VWA8: variants seen among roughly 807,000 people sequenced by gnomAD.
VWA8 encodes the protein von Willebrand factor A domain-containing protein 8.
Under a neutral mutation model 241.5 loss-of-function variants are expected in VWA8, and 221 were observed. The observed-to-expected ratio is 0.91, with a 90% CI of 0.82 to 1.02. The LOEUF (loss-of-function observed/expected upper bound fraction) is 1.02, where lower values mean the gene tolerates loss of function less well. Ranked by LOEUF, VWA8 falls within the 50% of genes least tolerant of loss-of-function variation. The pLI is 0.00. For synonymous variants in VWA8, 852 were observed against 827.1 expected (o/e 1.03, Z -0.52); for missense variants, 2,322 against 2,328.7 (o/e 1.00, Z 0.06).
chr13:41,885,866 T>C (rs1261514683), intron 8 of VWA8, 54 bp downstream of exon 8: 2 of 1,318,116 alleles, frequency 1.5e-6, no homozygotes, highest in Non-Finnish European at 2.1e-6. Context: ...AATGATTAAC[T>C]TTCAAAATTT....
chr13:41,739,839 GTTTTTTTTGTTTTTTTTGT>G (rs2045554192), intron 21 of VWA8, among the ~76,000 whole-genome samples: 2 of 43,586 alleles, frequency 4.6e-5, no homozygotes, highest in East Asian at 7.4e-4. Context: ...TTTTTTTTTT[GTTTTTTTTGTTTTTTTTGT>G]TTTTTTTTTT....
At chr13:41,597,002 A>G (rs905834846) in intron 40 of VWA8, among the ~76,000 whole-genome samples, 3 of 152,042 alleles carry the variant, frequency 2.0e-5, no homozygotes, top group African/African-American at 7.2e-5. Flanking sequence ...CAAACTCTAT[A>G]ATCAAGCCAA....
intron 21 of VWA8, among the ~76,000 whole-genome samples, chr13:41,739,586 C>T (rs900377529): frequency 6.6e-6 from 1 of 152,018 alleles, no homozygotes; most frequent in Non-Finnish European, 1.5e-5. Context: ...AGACTTTAAC[C>T]ACCCAGGTCA....
At chr13:41,950,273 CTTTA>C (rs1383075826) in intron 1 of VWA8, among the ~76,000 whole-genome samples, 1 of 152,124 alleles carries the variant, frequency 6.6e-6, no homozygotes, top group Non-Finnish European at 1.5e-5. Flanking sequence ...CATCAACAAG[CTTTA>C]TTTCATGAAT....
chr13:41,876,340 T>C (rs2138064790), intron 9 of VWA8, among the ~76,000 whole-genome samples: 1 of 152,132 alleles, frequency 6.6e-6, no homozygotes, highest in African/African-American at 2.4e-5. Flanking sequence ...CCCTACATGA[T>C]CTTTCTTTAC....
At chr13:41,719,067 G>C (rs1303316124) in intron 26 of VWA8, among the ~76,000 whole-genome samples, 3 of 151,802 alleles carry the variant, frequency 2.0e-5, no homozygotes, top group Admixed American at 2.0e-4. Flanking sequence ...ATAAAATAAA[G>C]GGTAGGCAAC....
At chr13:41,952,742 T>C (rs1243261942) in intron 1 of VWA8, among the ~76,000 whole-genome samples, 5 of 152,140 alleles carry the variant, frequency 3.3e-5, no homozygotes, top group Admixed American at 1.3e-4. Flanking sequence ...CAATTGGCTG[T>C]CCATTTTTTT....
chr13:41,827,043 C>G (rs1223986244), intron 14 of VWA8, among the ~76,000 whole-genome samples: 1 of 152,096 alleles, frequency 6.6e-6, no homozygotes, highest in Non-Finnish European at 1.5e-5. Flanking sequence ...TGCTCCCATA[C>G]AGTATTATAC....
intron 8 of VWA8, among the ~76,000 whole-genome samples, chr13:41,884,058 T>G (rs1874392683): frequency 6.6e-6 from 1 of 152,242 alleles, no homozygotes; most frequent in Non-Finnish European, 1.5e-5. Flanking sequence ...ATGAACTATC[T>G]ATTAGATGAT....
chr13:41,913,298 C>T (rs1876097816), intron 2 of VWA8, among the ~76,000 whole-genome samples: 1 of 152,024 alleles, frequency 6.6e-6, no homozygotes, highest in Non-Finnish European at 1.5e-5. Context: ...TAAGGAGTGG[C>T]CATGGAATCA....
intron 43 of VWA8, among the ~76,000 whole-genome samples, chr13:41,573,483 A>AT (rs1305282759): frequency 0.021 from 2,717 of 128,524 alleles, 116 homozygotes; most frequent in African/African-American, 0.073. Flanking sequence ...TTAAAAAAAA[A>AT]AAAATATATA....
intron 37 of VWA8, among the ~76,000 whole-genome samples, chr13:41,626,597 A>T (rs1372854841): frequency 6.6e-6 from 1 of 152,096 alleles, no homozygotes. Flanking sequence ...CAGGTTAACG[A>T]ACCCCAAAGT....
At chr13:41,870,852 A>C (rs908390506) in intron 9 of VWA8, among the ~76,000 whole-genome samples, 3 of 152,160 alleles carry the variant, frequency 2.0e-5, no homozygotes, top group Admixed American at 6.5e-5. Flanking sequence ...ATTAAAGCTA[A>C]AATATTTTAG....
chr13:41,648,147 G>T (rs766290044), intron 37 of VWA8, among the ~76,000 whole-genome samples: 2 of 152,160 alleles, frequency 1.3e-5, no homozygotes, highest in Middle Eastern at 3.2e-3. Context: ...CCTTTGGACG[G>T]TGTCGGTAGT....
chr13:41,657,482 C>CT lies in VWA8; in HGVS notation c.4611+13463dup, dbSNP rs35182691. 8.9e-3 allele frequency among the ~76,000 whole-genome samples: 1,216 copies of CT among 136,088 alleles called. 13 individuals are homozygous for CT. Among genetic ancestry groups the CT allele is most frequent in the African/African-American group, 0.019 (716 of 37,134 alleles). 89.3% of individuals were successfully genotyped at this position (136,088 alleles called of 152,430 possible). ...TTTAAAGGTACAGAGAAAAGTTATT[C>CT]TTTTTTTTTTTTTTTTTTGAAACGG... On this transcript the variant is annotated intron_variant, in intron 37 of 44. Coordinates refer to ENST00000379310, the MANE Select transcript of VWA8 (RefSeq NM_015058.2).
Position 41,570,449 on chromosome 13 carries a change from A to T in VWA8, c.5609+19T>A. On this transcript the variant is annotated intron_variant, in intron 44 of 44. Coordinates refer to ENST00000379310, the MANE Select transcript of VWA8 (RefSeq NM_015058.2). ...TATCTCTGTACCTGCCCTTTTCTGTATGCTCAGATGACACTTACCTGGTTG... is the reference window on the plus strand; with the variant it reads ...TATCTCTGTACCTGCCCTTTTCTGTTTGCTCAGATGACACTTACCTGGTTG... The T allele has an allele frequency of 6.2e-7, 1 of 1,604,966 alleles. No homozygotes were observed.
rs375348992 is a variant in VWA8 at position 41,617,881 on chromosome 13, G to A, written c.4612-2797C>T. ...ATATGTGCCACATTTTCTTTATCCC[G>A]TCTATTATGGGTTGGTTCCAAGTCT... On this transcript the variant is annotated intron_variant, in intron 37 of 44. Transcript: ENST00000379310. Among the ~76,000 whole-genome samples, 221 of 144,576 alleles carry A rather than the reference G, an allele frequency of 1.5e-3. 5 individuals carry two copies. Among genetic ancestry groups the A allele is most frequent in the African/African-American group, 5.0e-3 (173 of 34,848 alleles). 94.8% of individuals were successfully genotyped at this position (144,576 alleles called of 152,430 possible). A position where few individuals can be genotyped will look rare whatever the true frequency, so the allele number is the denominator to read the frequency against.
At chr13:41,835,706 A>G (rs998649790) in intron 12 of VWA8, among the ~76,000 whole-genome samples, 2 of 152,158 alleles carry the variant, frequency 1.3e-5, no homozygotes, top group African/African-American at 4.8e-5. Flanking sequence ...ATCAAATATT[A>G]CATATGCATA....
intron 2 of VWA8, among the ~76,000 whole-genome samples, chr13:41,944,538 C>A (rs1372465590): frequency 6.6e-6 from 1 of 152,164 alleles, no homozygotes; most frequent in African/African-American, 2.4e-5. Flanking sequence ...GTCTCAAACT[C>A]CTGGCCTCAA....
Sources: gnomAD v4.1 joint callset for allele counts (sites outside exome capture counted in the v4.1 genomes callset) on GRCh38, gnomAD v4.1.1 for gene constraint, MANE v1.5 for transcripts, NCBI Gene and HGNC (gene_info 2026-07-23, HGNC 2026-07-21) for gene names.